Variants in LRRK1 observed in about 807,000 individuals in gnomAD.
The protein encoded by LRRK1 is leucine-rich repeat serine/threonine-protein kinase 1.
In LRRK1, 113 loss-of-function variants were observed where a neutral mutation model predicts 209.1. That is an observed-to-expected ratio of 0.54 (90% CI 0.46 to 0.63). The LOEUF (loss-of-function observed/expected upper bound fraction) is 0.63, where lower values mean the gene tolerates loss of function less well. LRRK1 is among the 30% of genes least tolerant of loss of function. The pLI is 0.00. For missense variants in LRRK1, 2,284 were observed against 2,632.2 expected, an observed-to-expected ratio of 0.87 and a Z score of 2.89; for synonymous variants, 1,144 against 1,099.7, an observed-to-expected ratio of 1.04 and a Z score of -0.80.
intron 6 of LRRK1, among the ~76,000 whole-genome samples, chr15:101,006,802 G>C (rs1324391777): frequency 6.6e-6 from 1 of 152,234 alleles, no homozygotes; most frequent in African/African-American, 2.4e-5. Flanking sequence ...GTGAGTCGAG[G>C]TGGAGAGTGC....
chr15:100,959,600 C>A (rs2042833540), intron 2 of LRRK1, among the ~76,000 whole-genome samples: 2 of 152,194 alleles, frequency 1.3e-5, no homozygotes, highest in African/African-American at 4.8e-5. Flanking sequence ...AGTCTGGCAG[C>A]CTCACAGGCA....
At chr15:101,020,499 C>A (rs2033732215) in intron 12 of LRRK1, among the ~76,000 whole-genome samples, 1 of 151,922 alleles carries the variant, frequency 6.6e-6, no homozygotes, top group Admixed American at 6.6e-5. Context: ...CTCAGCCCCC[C>A]CGAGTAGCTG....
rs183266451 is a variant in LRRK1 at position 100,977,039 on chromosome 15, A to G, written c.261+3072A>G. Among the ~76,000 whole-genome samples the G allele has an allele frequency of 7.8e-3, 1,191 of 152,328 alleles. 16 individuals carry two copies. Among genetic ancestry groups the G allele is most frequent in the African/African-American group, 0.027 (1,141 of 41,574 alleles). On this transcript the variant is annotated intron_variant, in intron 3 of 33. Transcript: ENST00000388948. ...ACATGTAAAACAAACGTAGGATTCT[A>G]AAAGGTAGAGAAAAGAAGGCAGAGT...
chr15:101,065,842 C>T lies in LRRK1; in HGVS notation c.5405C>T (p.Thr1802Met), dbSNP rs752524474. ...ACGGAACCCCCGGCAGCCAGCCACA[C>T]GGCCAACCCAAAGGTGCCTGAGGGG... ...LDTEPPAASH[T>M]ANPKVPEGDS... is the part of the protein sequence containing the mutation. The change falls in exon 32 of 34, where the codon ACG becomes ATG. Residue 1802 changes from threonine (T) to methionine (M), a missense_variant. This residue lies in a region of LRRK1 where 643 missense variants were observed against 695.9 expected (regional missense o/e 0.92). Coordinates refer to ENST00000388948, the MANE Select transcript of LRRK1 (RefSeq NM_024652.6). 17 of 1,613,986 alleles carry T rather than the reference C, an allele frequency of 1.1e-5. No individual in the cohort carries two copies. The highest frequency in any genetic ancestry group is 3.3e-5 in the Admixed American group (2 of 60,008).
intron 13 of LRRK1, 49 bp from the exon 14 acceptor site, chr15:101,021,796 G>A: frequency 1.8e-6 from 2 of 1,100,340 alleles, no homozygotes; most frequent in Non-Finnish European, 2.8e-6. Flanking sequence ...GTGTGTGTGT[G>A]TGTGTGTGTG....
At position 101,073,809 on chromosome 15, in the gene LRRK1, C is replaced by T. The variant is rs2036887001; in HGVS notation, c.*4961C>T. On this transcript the variant is annotated 3_prime_UTR_variant, in exon 34 of 34. Coordinates refer to ENST00000388948, the MANE Select transcript of LRRK1 (RefSeq NM_024652.6). ...CTCCTTCACTGTAGGCAACCTTCCA[C>T]TCTCCATTCCTCCTTCTTCTCCCTT... 1 of 152,084 alleles carries T rather than the reference C, an allele frequency of 6.6e-6. No homozygotes were observed. Among genetic ancestry groups the T allele is most frequent in the South Asian group, 2.1e-4 (1 of 4,830 alleles). The allele number at this position is 152,084 out of a possible 1,614,324, so 9.4% of individuals were successfully genotyped here. A position where few individuals can be genotyped will look rare whatever the true frequency, so the allele number is the denominator to read the frequency against.
intron 12 of LRRK1, among the ~76,000 whole-genome samples, chr15:101,015,836 C>G (rs909186912): frequency 6.6e-6 from 1 of 152,170 alleles, no homozygotes; most frequent in Non-Finnish European, 1.5e-5. Flanking sequence ...GCTTCAGCAG[C>G]AGACACTTAT....
chr15:100,995,955 C>T (rs1261191242), intron 6 of LRRK1, among the ~76,000 whole-genome samples: 10 of 152,248 alleles, frequency 6.6e-5, no homozygotes, highest in African/African-American at 1.4e-4. Flanking sequence ...GTTCCTGGTG[C>T]CCCACCCTTC....
intron 2 of LRRK1, among the ~76,000 whole-genome samples, chr15:100,968,462 G>A (rs1473801976): frequency 6.6e-6 from 1 of 152,098 alleles, no homozygotes; most frequent in Non-Finnish European, 1.5e-5. Context: ...AGTAAGGTAT[G>A]AACATTCTGG....
chr15:100,956,455 C>CTTTTTTTTTTTTTT (rs776326423), intron 2 of LRRK1, among the ~76,000 whole-genome samples: 1 of 60,534 alleles, frequency 1.7e-5, no homozygotes, highest in African/African-American at 8.5e-5. Flanking sequence ...TTTTTTTTTT[C>CTTTTTTTTTTTTTT]TTTTTTTTTT....
At chr15:100,956,455 C>CTTTTTCTTTTCTTTTCTTTTCT in intron 2 of LRRK1, among the ~76,000 whole-genome samples, 1 of 60,526 alleles carries the variant, frequency 1.7e-5, no homozygotes, top group Admixed American at 2.0e-4. Context: ...TTTTTTTTTT[C>CTTTTTCTTTTCTTTTCTTTTCT]TTTTTTTTTT....
intron 20 of LRRK1, among the ~76,000 whole-genome samples, chr15:101,029,452 G>C (rs1320810920): frequency 1.4e-5 from 2 of 138,074 alleles, no homozygotes; most frequent in African/African-American, 3.5e-5. Flanking sequence ...GGGCTTCTCT[G>C]TTCAGGGAGT....
At chr15:101,047,504 C>G (rs1266706237) in intron 21 of LRRK1, among the ~76,000 whole-genome samples, 1 of 152,210 alleles carries the variant, frequency 6.6e-6, no homozygotes, top group Non-Finnish European at 1.5e-5. Flanking sequence ...GAGGCCAGGG[C>G]GCCCTTCCGG....
Position 101,066,178 on chromosome 15 carries a change from C to T in LRRK1, c.5741C>T (p.Ala1914Val), listed in dbSNP as rs745598708. 1.6e-5 allele frequency: 25 copies of T among 1,611,090 alleles called. No homozygotes were observed. Among genetic ancestry groups the T allele is most frequent in the Middle Eastern group, 1.7e-4 (1 of 6,036 alleles). Residue 1914 changes from alanine (A) to valine (V), a missense_variant, in exon 32 of 34, where the codon GCC (alanine) becomes GTC (valine). This residue lies in a region of LRRK1 where 643 missense variants were observed against 695.9 expected (regional missense o/e 0.92). Transcript: ENST00000388948. ...SQHLQAVKIL[A>V]VRDLIWVPRR... Reference sequence around the variant, plus strand: ...CACCTGCAGGCCGTGAAGATCCTCGCCGTCAGAGACCTCATTTGGGTCCCC... The same window carrying T: ...CACCTGCAGGCCGTGAAGATCCTCGTCGTCAGAGACCTCATTTGGGTCCCC...
chr15:100,992,818 A>C (rs962762126), intron 6 of LRRK1, among the ~76,000 whole-genome samples: 2 of 152,126 alleles, frequency 1.3e-5, no homozygotes, highest in Middle Eastern at 3.2e-3. Context: ...ACAGGTGTGC[A>C]ACACCACACC....
At chr15:101,042,131 C>A (rs1290494892) in intron 20 of LRRK1, among the ~76,000 whole-genome samples, 1 of 152,200 alleles carries the variant, frequency 6.6e-6, no homozygotes, top group Non-Finnish European at 1.5e-5. Flanking sequence ...GTGCTCTTCA[C>A]TTCTTTCCAT....
At chr15:101,000,899 G>A (rs1264632829) in intron 6 of LRRK1, among the ~76,000 whole-genome samples, 3 of 152,184 alleles carry the variant, frequency 2.0e-5, no homozygotes, top group African/African-American at 7.2e-5. Flanking sequence ...CATCCTTGCT[G>A]CCTTCACTTC....
rs1424545649 is a variant in LRRK1 at position 101,074,391 on chromosome 15, G to A, written c.*5543G>A. 6.6e-6 allele frequency: 1 copy of A among 152,136 alleles called. No homozygotes were observed. Among genetic ancestry groups the A allele is most frequent in the Non-Finnish European group, 1.5e-5 (1 of 68,040 alleles). The allele number at this position is 152,136 out of a possible 1,614,324, so 9.4% of individuals were successfully genotyped here. ...TCTTAAAAAGGTGGCTGGAGCTAAA[G>A]GCATAGTCAAGGTTAATGCTCCTTT... On this transcript the variant is annotated 3_prime_UTR_variant, in exon 34 of 34. Transcript: ENST00000388948.
intron 12 of LRRK1, among the ~76,000 whole-genome samples, chr15:101,019,467 G>A (rs770099556): frequency 6.6e-5 from 10 of 152,242 alleles, no homozygotes; most frequent in East Asian, 1.9e-4. Flanking sequence ...CTTTATTTCC[G>A]CAGGAGCCCC....
Sources: allele counts gnomAD v4.1 joint callset (sites outside exome capture counted in the v4.1 genomes callset), GRCh38; gene constraint gnomAD v4.1.1; regional missense constraint gnomAD v4.1.1; transcripts MANE v1.5; gene names NCBI Gene and HGNC (gene_info 2026-07-23, HGNC 2026-07-21).